RNF43: variants seen among roughly 807,000 people sequenced by gnomAD.
RNF43 encodes the protein E3 ubiquitin-protein ligase RNF43.
Under a neutral mutation model 78.4 loss-of-function variants are expected in RNF43, and 37 were observed. That is an observed-to-expected ratio of 0.47 (90% CI 0.36 to 0.62). The LOEUF (loss-of-function observed/expected upper bound fraction) is 0.62, where lower values mean the gene tolerates loss of function less well. Ranked by LOEUF, RNF43 falls within the 20% of genes least tolerant of loss-of-function variation. RNF43 has a pLI of 0.00. For missense variants in RNF43, 774 were observed against 1,007.9 expected (o/e 0.77, Z 3.14); for synonymous variants, 347 against 395.0 (o/e 0.88, Z 1.44).
At chr17:58,392,539 T>C (rs1181066828) in intron 2 of RNF43, among the ~76,000 whole-genome samples, 6 of 152,182 alleles carry the variant, frequency 3.9e-5, no homozygotes, top group African/African-American at 7.2e-5. Flanking sequence ...TGTAAGACAG[T>C]TACACACTCA....
intron 3 of RNF43, among the ~76,000 whole-genome samples, chr17:58,365,236 AG>A (rs1018330862): frequency 2.0e-5 from 3 of 152,172 alleles, no homozygotes; most frequent in Admixed American, 6.5e-5. Context: ...GAGAAGTACC[AG>A]GGGAAAAGGA....
Position 58,360,561 on chromosome 17 carries a change from G to C in RNF43, c.849+222C>G, listed in dbSNP as rs1972813249. 6.6e-6 allele frequency among the ~76,000 whole-genome samples: 1 copy of C among 152,212 alleles called. No homozygotes were observed. Among genetic ancestry groups the C allele is most frequent in the African/African-American group, 2.4e-5 (1 of 41,452 alleles). On this transcript the variant is annotated intron_variant, in intron 7 of 9. Coordinates refer to ENST00000407977, the MANE Select transcript of RNF43 (RefSeq NM_017763.6). This position sits in a 1 kb window ranked among gnomAD's most constrained non-coding sequence, Gnocchi z 4.3. ...ATAATGCATCCAAAGCACCACTGCA[G>C]CCTGGCACGTGGTACACTCTCAACA...
rs764603577 is a variant in RNF43 at position 58,354,622 on chromosome 17, C to T, written c.*321G>A. 1.0e-4 allele frequency: 44 copies of T among 440,332 alleles called. No individual in the cohort carries two copies. The highest frequency in any genetic ancestry group is 1.8e-4 in the Non-Finnish European group (42 of 235,266). The allele number at this position is 440,332 out of a possible 1,614,324, so 27.3% of individuals were successfully genotyped here. ...CAGCACCTTTGTAACACCTGGCTAC[C>T]CATAGCTAGCTTTCTGCCCTCAAAA... On this transcript the variant is annotated 3_prime_UTR_variant, in exon 10 of 10. Transcript: ENST00000407977.
chr17:58,357,865 G>A lies in RNF43; in HGVS notation c.1911C>T (p.Ser637=), dbSNP rs2143396403. 1 of 1,614,106 alleles carries A rather than the reference G, an allele frequency of 6.2e-7. No individual in the cohort carries two copies. The highest frequency in any genetic ancestry group is 8.5e-7 in the Non-Finnish European group (1 of 1,180,006). The part of the protein sequence containing the change: ...VDASSICPST[S]SLFNLQKSSL... ...TGGATTTTTGCAAGTTGAACAGACT[G>A]CTGGTACTGGGGCAGATGCTGGAGG... Residue 637 remains serine, a synonymous_variant, in exon 9 of 10, where the codon AGC becomes AGT. Transcript: ENST00000407977. This position sits in a 1 kb window ranked among gnomAD's most constrained non-coding sequence, Gnocchi z 4.5.
rs570362390 is a variant in RNF43 at position 58,360,998 on chromosome 17, T to G, written c.688-54A>C. 1 of 1,485,686 alleles carries G rather than the reference T, an allele frequency of 6.7e-7. No individual in the cohort carries two copies. The highest frequency in any genetic ancestry group is 2.4e-5 in the East Asian group (1 of 40,852). 92.0% of individuals were successfully genotyped at this position (1,485,686 alleles called of 1,614,324 possible). A position where few individuals can be genotyped will look rare whatever the true frequency, so the allele number is the denominator to read the frequency against. ...GGCATGGGCTCCCCTTCCCTCCCTC[T>G]CTGGACCCAAGCTTGGACTCCGTTC... On this transcript the variant is annotated intron_variant, in intron 6 of 9. Coordinates refer to ENST00000407977, the MANE Select transcript of RNF43 (RefSeq NM_017763.6). The surrounding 1 kb of genome is among the most constrained non-coding windows in gnomAD (Gnocchi z 4.3).
At chr17:58,362,106 C>A (rs899239535) in intron 6 of RNF43, among the ~76,000 whole-genome samples, 61 of 148,466 alleles carry the variant, frequency 4.1e-4, no homozygotes, top group Non-Finnish European at 5.8e-4. Context: ...AACAAACAAA[C>A]AAACAAAAAA....
Position 58,360,109 on chromosome 17 carries a change from G to T in RNF43, c.952+40C>A. On this transcript the variant is annotated intron_variant, in intron 8 of 9. Transcript: ENST00000407977. The surrounding 1 kb of genome is among the most constrained non-coding windows in gnomAD (Gnocchi z 4.3). ...CAAAGGGAAGCCACATTCTAGACCT[G>T]TCTGCCTACACAGAGGGGAGTCCTT... 6.7e-7 allele frequency: 1 copy of T among 1,486,564 alleles called. No homozygotes were observed. Among genetic ancestry groups the T allele is most frequent in the Non-Finnish European group, 9.4e-7 (1 of 1,065,488 alleles). 92.1% of individuals were successfully genotyped at this position (1,486,564 alleles called of 1,614,324 possible).
intron 2 of RNF43, among the ~76,000 whole-genome samples, chr17:58,375,242 A>C (rs749738880): frequency 1.3e-5 from 2 of 152,150 alleles, no homozygotes; most frequent in Non-Finnish European, 1.5e-5. Context: ...TTCTACTTGC[A>C]GCTCTTACAA....
At chr17:58,383,592 T>C (rs1973366895) in intron 2 of RNF43, among the ~76,000 whole-genome samples, 1 of 151,904 alleles carries the variant, frequency 6.6e-6, no homozygotes, top group Admixed American at 6.6e-5. Flanking sequence ...CATGAGCCAC[T>C]GCACCCAGCT....
intron 2 of RNF43, among the ~76,000 whole-genome samples, chr17:58,404,010 A>T (rs1973856255): frequency 6.6e-6 from 1 of 152,190 alleles, no homozygotes; most frequent in Non-Finnish European, 1.5e-5. Flanking sequence ...AAGCATTTAC[A>T]ATAAGGGTCC....
intron 9 of RNF43, chr17:58,356,928 C>G (rs1272591817): frequency 3.8e-6 from 1 of 264,074 alleles, no homozygotes; most frequent in Non-Finnish European, 7.1e-6. Flanking sequence ...GAGTCTCACC[C>G]TGTTACCCAG....
chr17:58,356,068 T>TAC (rs1972679126), intron 9 of RNF43, among the ~76,000 whole-genome samples: 1 of 152,176 alleles, frequency 6.6e-6, no homozygotes, highest in East Asian at 1.9e-4. Context: ...GCACTCAAAG[T>TAC]ACACACACAA....
intron 4 of RNF43, 30 bp downstream of exon 4, chr17:58,363,496 C>G (rs371817844): frequency 1.9e-6 from 3 of 1,611,046 alleles, no homozygotes; most frequent in Non-Finnish European, 2.5e-6. Context: ...ATCCAGCCCC[C>G]ACCTTGAACA....
intron 9 of RNF43, chr17:58,356,955 G>A (rs1972696521): frequency 2.8e-6 from 1 of 353,910 alleles, no homozygotes; most frequent in South Asian, 2.9e-5. Flanking sequence ...GTGCAGTGGC[G>A]CCATCTTGGC....
Position 58,357,215 on chromosome 17 carries a change from C to T in RNF43, c.2308+253G>A. 1 of 707,928 alleles carries T rather than the reference C, an allele frequency of 1.4e-6. No homozygotes were observed. The highest frequency in any genetic ancestry group is 2.6e-6 in the Non-Finnish European group (1 of 389,716). The allele number at this position is 707,928 out of a possible 1,614,324, so 43.9% of individuals were successfully genotyped here. On this transcript the variant is annotated intron_variant, in intron 9 of 9. Coordinates refer to ENST00000407977, the MANE Select transcript of RNF43 (RefSeq NM_017763.6). This position sits in a 1 kb window ranked among gnomAD's most constrained non-coding sequence, Gnocchi z 4.5. ...GGCCTTCCAAGTGCCTTTCTGATGC[C>T]TCAGCCACACCAGCACCTCCCTGGG... is the stretch of plus-strand genomic sequence containing the variant.
intron 2 of RNF43, among the ~76,000 whole-genome samples, chr17:58,405,064 A>G (rs1343744994): frequency 2.2e-5 from 3 of 137,822 alleles, no homozygotes; most frequent in Non-Finnish European, 3.1e-5. Context: ...GGGTTGTAGT[A>G]CTTCTTTTTT....
intron 2 of RNF43, among the ~76,000 whole-genome samples, chr17:58,399,916 A>G (rs1973759602): frequency 6.6e-6 from 1 of 152,222 alleles, no homozygotes; most frequent in Non-Finnish European, 1.5e-5. Context: ...CTAGGATTAC[A>G]GGCGTGAGCC....
rs536484054 is a variant in RNF43 at position 58,379,752 on chromosome 17, G to A, written c.253-8719C>T. 1.3e-5 allele frequency among the ~76,000 whole-genome samples: 2 copies of A among 152,292 alleles called. 1 individual carries two copies. Among genetic ancestry groups the A allele is most frequent in the East Asian group, 3.9e-4 (2 of 5,186 alleles). The stretch of plus-strand genomic sequence containing the variant: ...TAAGGAGAACAAGAGCTAATTATCT[G>A]AGCTGCTTTTGAAATAAAGTGATAT... On this transcript the variant is annotated intron_variant, in intron 2 of 9. Coordinates refer to ENST00000407977, the MANE Select transcript of RNF43 (RefSeq NM_017763.6).
chr17:58,383,084 C>A (rs1477815560), intron 2 of RNF43, among the ~76,000 whole-genome samples: 1 of 152,178 alleles, frequency 6.6e-6, no homozygotes, highest in East Asian at 1.9e-4. Context: ...GAACTTCAGT[C>A]CCTACCAAAA....
Sources: allele counts gnomAD v4.1 joint callset (sites outside exome capture counted in the v4.1 genomes callset), GRCh38; gene constraint gnomAD v4.1.1; non-coding constraint Gnocchi (gnomAD v3.1); transcripts MANE v1.5; gene names NCBI Gene and HGNC (gene_info 2026-07-23, HGNC 2026-07-21).